The following EIF3H variants were observed in gnomAD, a reference collection of about 807,000 sequenced individuals.
EIF3H encodes eIF-3-gamma.
EIF3H carries 26 observed loss-of-function variants against 44.2 expected under a neutral mutation model. The ratio of observed to expected loss-of-function variants is 0.59; its 90% CI spans 0.43 to 0.82. The LOEUF (loss-of-function observed/expected upper bound fraction) is 0.82. EIF3H is among the 40% of genes least tolerant of loss of function. The pLI is 0.00. For synonymous variants in EIF3H, 166 were observed against 151.9 expected (o/e 1.09, Z -0.68); for missense variants, 359 against 432.8 (o/e 0.83, Z 1.51).
At chr8:116,711,026 T>C (rs2130899239) in intron 2 of EIF3H, among the ~76,000 whole-genome samples, 1 of 152,334 alleles carries the variant, frequency 6.6e-6, no homozygotes, top group East Asian at 1.9e-4. Flanking sequence ...TAGAAATATA[T>C]TCTATTTTAG....
chr8:116,679,746 G>C (rs1244720841), intron 2 of EIF3H, among the ~76,000 whole-genome samples: 1 of 8,406 alleles, frequency 1.2e-4, no homozygotes, highest in African/African-American at 6.9e-4. Flanking sequence ...CAGCCGCCCC[G>C]TCCGGGAGGG....
In EIF3H at chr8:116,642,944, A is replaced by G. The variant is rs1015679008; in HGVS notation, c.*2062T>C. ...AGATATAGAAATCTAAACAATCATA[A>G]AGAATTTAAGAATCACACCTTTAAA... is the stretch of plus-strand genomic sequence containing the variant. On this transcript the variant is annotated 3_prime_UTR_variant, in exon 8 of 8. Transcript: ENST00000521861. 6.6e-6 allele frequency: 1 copy of G among 152,252 alleles called. No homozygotes were observed. The highest frequency in any genetic ancestry group is 2.4e-5 in the African/African-American group (1 of 41,466). The allele number at this position is 152,252 out of a possible 1,614,324, so 9.4% of individuals were successfully genotyped here.
chr8:116,680,595 A>C (rs1162758035), intron 2 of EIF3H, among the ~76,000 whole-genome samples: 43 of 111,562 alleles, frequency 3.9e-4, no homozygotes, highest in Non-Finnish European at 7.7e-4. Flanking sequence ...GGGCGGTGCA[A>C]GATGTGCTTT....
intron 2 of EIF3H, among the ~76,000 whole-genome samples, chr8:116,704,242 C>G (rs1336506925): frequency 6.6e-6 from 1 of 152,158 alleles, no homozygotes; most frequent in Non-Finnish European, 1.5e-5. Flanking sequence ...CTCTAGCCCT[C>G]AGTAAAATGG....
intron 2 of EIF3H, among the ~76,000 whole-genome samples, chr8:116,672,004 T>C (rs1425862115): frequency 1.3e-5 from 2 of 152,198 alleles, no homozygotes; most frequent in African/African-American, 4.8e-5. Context: ...AGTTTAAAAA[T>C]AACCTAATTT....
chr8:116,748,557 A>G (rs1248151971), intron 1 of EIF3H, among the ~76,000 whole-genome samples: 2 of 151,768 alleles, frequency 1.3e-5, no homozygotes, highest in African/African-American at 2.4e-5. Flanking sequence ...AAATTTCCAC[A>G]CAACAGGAGT....
At chr8:116,748,968 T>C (rs115872254) in intron 1 of EIF3H, among the ~76,000 whole-genome samples, 1,784 of 152,242 alleles carry the variant, frequency 0.012, 37 homozygotes, top group African/African-American at 0.04. Context: ...GTTGAATCCA[T>C]GGATGTGAGA....
chr8:116,653,316 T>C (rs991863549), intron 5 of EIF3H, among the ~76,000 whole-genome samples: 8 of 130,762 alleles, frequency 6.1e-5, no homozygotes, highest in Admixed American at 5.6e-4. Flanking sequence ...TTTTATATTA[T>C]GATAATGCTC....
At chr8:116,729,454 T>C (rs898038995) in intron 1 of EIF3H, among the ~76,000 whole-genome samples, 1 of 152,204 alleles carries the variant, frequency 6.6e-6, no homozygotes, top group Non-Finnish European at 1.5e-5. Context: ...GTAAGGATAA[T>C]GTAACCAAAC....
At chr8:116,756,859 G>A (rs953605949), upstream of EIF3H, among the ~76,000 whole-genome samples, 2 of 152,148 alleles carry the variant, frequency 1.3e-5, no homozygotes, top group Non-Finnish European at 2.9e-5. Context: ...AGGTTTTAAA[G>A]GTTGATCCTG....
At chr8:116,743,794 AT>A (rs1563659885) in intron 1 of EIF3H, among the ~76,000 whole-genome samples, 19,069 of 90,648 alleles carry the variant, frequency 0.21, 1,958 homozygotes, top group East Asian at 0.55. Context: ...ATATATATAT[AT>A]ATAAACACAC....
At chr8:116,718,509 C>CATAT (rs376190081) in intron 2 of EIF3H, among the ~76,000 whole-genome samples, 145 of 150,220 alleles carry the variant, frequency 9.7e-4, no homozygotes, top group African/African-American at 3.4e-3. Flanking sequence ...AAATGTGTTG[C>CATAT]ATATATATAT....
intron 6 of EIF3H, among the ~76,000 whole-genome samples, chr8:116,647,030 T>C (rs1410342183): frequency 1.3e-5 from 2 of 152,316 alleles, no homozygotes; most frequent in Middle Eastern, 3.4e-3. Context: ...TGACCTAAAA[T>C]AACAATACAG....
chr8:116,671,453 C>A (rs1813752692), intron 2 of EIF3H, among the ~76,000 whole-genome samples: 1 of 152,144 alleles, frequency 6.6e-6, no homozygotes, highest in African/African-American at 2.4e-5. Context: ...TACATCTTTT[C>A]CTTGCAGAAA....
upstream of EIF3H, among the ~76,000 whole-genome samples, chr8:116,760,643 C>T (rs551871509): frequency 5.3e-5 from 8 of 152,060 alleles, no homozygotes; most frequent in Non-Finnish European, 1.0e-4. Context: ...GTAAGAGTGA[C>T]TTTTATTTTG....
chr8:116,705,762 G>A (rs1814459114), intron 2 of EIF3H, among the ~76,000 whole-genome samples: 1 of 152,002 alleles, frequency 6.6e-6, no homozygotes, highest in East Asian at 1.9e-4. Flanking sequence ...TCCTAGAAAA[G>A]GACGTCACCA....
chr8:116,682,714 GC>G (rs1441076848), intron 2 of EIF3H, among the ~76,000 whole-genome samples: 1 of 152,130 alleles, frequency 6.6e-6, no homozygotes, highest in Non-Finnish European at 1.5e-5. Flanking sequence ...GTAGTATGTA[GC>G]TACTTAAGCT....
chr8:116,750,995 G>A (rs1200027600), intron 1 of EIF3H, among the ~76,000 whole-genome samples: 2 of 151,202 alleles, frequency 1.3e-5, no homozygotes, highest in Admixed American at 6.6e-5. Flanking sequence ...GGCGGATCAC[G>A]AGGTCAGGAG....
In EIF3H at chr8:116,657,224, G is replaced by T. The variant is rs759223482; in HGVS notation, c.548C>A (p.Ser183Tyr). The change falls in exon 4 of 8, where the codon TCC becomes TAC. Residue 183 changes from serine to tyrosine, a missense_variant. Around this residue, in one of 5 missense-constraint regions of EIF3H, gnomAD observed 85 missense variants for 79.2 expected, o/e 1.07. Transcript: ENST00000521861. ...LMEVCKEKDF[S>Y]PEALKKANIT... ...GCCCCCAAACACTTACGCTTCAGGG[G>T]AAAAATCCTTTTCTTTACAAACTTC... 1 of 1,613,214 alleles carries T rather than the reference G, an allele frequency of 6.2e-7. No homozygotes were observed. The highest frequency in any genetic ancestry group is 8.5e-7 in the Non-Finnish European group (1 of 1,179,298).
Sources: allele counts gnomAD v4.1 joint callset (sites outside exome capture counted in the v4.1 genomes callset), GRCh38; gene constraint gnomAD v4.1.1; regional missense constraint gnomAD v4.1.1; transcripts MANE v1.5; gene names NCBI Gene and HGNC (gene_info 2026-07-23, HGNC 2026-07-21).